CNBD1: variants seen among roughly 807,000 people sequenced by gnomAD.
The protein encoded by CNBD1 is cyclic nucleotide-binding domain-containing protein 1.
In CNBD1, 71 loss-of-function variants were observed where a neutral mutation model predicts 54.4. The ratio of observed to expected loss-of-function variants is 1.30; its 90% confidence interval spans 1.08 to 1.59. CNBD1 has a LOEUF of 1.59. Among genes scored for constraint, CNBD1 ranks in the 40% most tolerant of loss-of-function variants. The pLI is 0.00. For missense variants in CNBD1, 659 were observed against 518.0 expected (o/e 1.27, Z -2.64); for synonymous variants, 182 against 170.7 (o/e 1.07, Z -0.51).
chr8:87,387,547 A>G (rs539046066), downstream of CNBD1, among the ~76,000 whole-genome samples: 3 of 152,296 alleles, frequency 2.0e-5, no homozygotes, highest in African/African-American at 7.2e-5. Context: ...ATTCAACAAG[A>G]AGAGCTAACT....
At position 87,418,674 on chromosome 8, in the gene CNBD1, A is replaced by G. The variant is rs187965753; in HGVS notation, c.214-9872A>G. On this transcript the variant is annotated intron_variant, in intron 2 of 7. Transcript: ENST00000521593. ...ATTATACTTCAACAATAAAACAAAA[A>G]TACCTTATTTAAAAATAGACAAATG... Among the ~76,000 whole-genome samples the G allele has an allele frequency of 2.2e-4, 33 of 152,084 alleles. No homozygotes were observed. In the East Asian group the frequency reaches 6.2e-3, roughly 29 times the overall value.
At chr8:87,186,611 CTTATT>C (rs929955594) in intron 4 of CNBD1, among the ~76,000 whole-genome samples, 5 of 151,992 alleles carry the variant, frequency 3.3e-5, no homozygotes, top group African/African-American at 1.2e-4. Flanking sequence ...CTCTTTATAT[CTTATT>C]TTAATCAATG....
At chr8:87,009,311 A>AT (rs561276075) in intron 4 of CNBD1, among the ~76,000 whole-genome samples, 5 of 151,066 alleles carry the variant, frequency 3.3e-5, no homozygotes, top group African/African-American at 4.9e-5. Flanking sequence ...TTTTATTTTT[A>AT]TTTTTTTGAG....
At chr8:87,201,362 T>C (rs552306995) in intron 4 of CNBD1, among the ~76,000 whole-genome samples, 27 of 152,286 alleles carry the variant, frequency 1.8e-4, no homozygotes, top group Middle Eastern at 3.4e-3. Flanking sequence ...TGTAACATTA[T>C]AGTGAATGTT....
intron 3 of CNBD1, among the ~76,000 whole-genome samples, chr8:86,910,456 C>T (rs932729534): frequency 6.6e-6 from 1 of 152,026 alleles, no homozygotes; most frequent in African/African-American, 2.4e-5. Flanking sequence ...GATTGGCTGC[C>T]CAGTGGCATA....
chr8:87,096,652 A>G (rs570145963), intron 4 of CNBD1, among the ~76,000 whole-genome samples: 2 of 152,262 alleles, frequency 1.3e-5, no homozygotes, highest in East Asian at 3.9e-4. Flanking sequence ...TGAGAAGAGG[A>G]TAAGGAAAGC....
At chr8:87,400,496 C>T (rs1375766982) in intron 2 of CNBD1, among the ~76,000 whole-genome samples, 2 of 151,914 alleles carry the variant, frequency 1.3e-5, no homozygotes, top group Non-Finnish European at 2.9e-5. Context: ...AGAAAAATGT[C>T]AGCATGTGGC....
chr8:87,314,838 A>G (rs973649267), intron 8 of CNBD1, among the ~76,000 whole-genome samples: 2 of 152,088 alleles, frequency 1.3e-5, no homozygotes, highest in Non-Finnish European at 2.9e-5. Context: ...AAGGTGCTGT[A>G]TGAAACAAAC....
At chr8:87,266,204 G>C (rs567430109) in intron 6 of CNBD1, among the ~76,000 whole-genome samples, 1 of 151,480 alleles carries the variant, frequency 6.6e-6, no homozygotes. Flanking sequence ...ATCCAAACAG[G>C]TTCCTTGTGG....
intron 4 of CNBD1, among the ~76,000 whole-genome samples, chr8:86,965,717 C>A (rs1007864319): frequency 6.6e-6 from 1 of 152,094 alleles, no homozygotes; most frequent in African/African-American, 2.4e-5. Context: ...TGCCTGACTT[C>A]TTGTTCTGTA....
At chr8:87,380,018 T>A (rs370480330) in intron 10 of CNBD1, among the ~76,000 whole-genome samples, 11 of 150,780 alleles carry the variant, frequency 7.3e-5, no homozygotes, top group African/African-American at 2.7e-4. Context: ...TGGTGCCACT[T>A]GGGAGGTTTT....
At chr8:87,077,416 T>C (rs1272875261) in intron 4 of CNBD1, among the ~76,000 whole-genome samples, 64 of 149,920 alleles carry the variant, frequency 4.3e-4, no homozygotes, top group Admixed American at 2.1e-3. Flanking sequence ...CTTCTTCTTT[T>C]TTTTTTTTTT....
chr8:87,414,222 G>A (rs1012301191), intron 2 of CNBD1, among the ~76,000 whole-genome samples: 3 of 152,070 alleles, frequency 2.0e-5, no homozygotes, highest in Non-Finnish European at 2.9e-5. Context: ...GTCCTTTGTA[G>A]GGACATGGAT....
intron 4 of CNBD1, among the ~76,000 whole-genome samples, chr8:86,960,691 TG>T (rs1263617392): frequency 6.6e-6 from 1 of 152,172 alleles, no homozygotes; most frequent in Non-Finnish European, 1.5e-5. Context: ...CCTCCTCAAG[TG>T]GGTCCCTGAT....
At chr8:86,925,496 T>A (rs1809343373) in intron 3 of CNBD1, among the ~76,000 whole-genome samples, 1 of 87,692 alleles carries the variant, frequency 1.1e-5, no homozygotes, top group African/African-American at 3.7e-5. Context: ...TGTGTGTGTG[T>A]GTGTGTGTGT....
intron 4 of CNBD1, among the ~76,000 whole-genome samples, chr8:87,073,695 C>G (rs907717155): frequency 1.3e-5 from 2 of 152,094 alleles, no homozygotes; most frequent in Non-Finnish European, 2.9e-5. Context: ...GAAGCTCTGT[C>G]CCAGTGGAGT....
rs1420807086 is a variant in CNBD1 at position 87,166,580 on chromosome 8, G to A, written c.432-39413G>A. Among the ~76,000 whole-genome samples the A allele has an allele frequency of 1.3e-5, 2 of 151,908 alleles. No individual in the cohort carries two copies. The highest frequency in any genetic ancestry group is 4.8e-5 in the African/African-American group (2 of 41,392). On this transcript the variant is annotated intron_variant, in intron 4 of 10. Coordinates refer to ENST00000518476, the MANE Select transcript of CNBD1 (RefSeq NM_173538.3). The surrounding 1 kb of genome is among the most constrained non-coding windows in gnomAD (Gnocchi z 4.3). ...GGCCTGAGGGATCTGGCCCAGCTCA[G>A]TTTCTCAATGTTCATTATTTCCAAA...
At chr8:87,352,721 C>A (rs969809510) in intron 9 of CNBD1, among the ~76,000 whole-genome samples, 1 of 151,958 alleles carries the variant, frequency 6.6e-6, no homozygotes, top group Non-Finnish European at 1.5e-5. Flanking sequence ...CTAGAACAGG[C>A]AAAAATATAT....
At chr8:87,279,227 G>A (rs987450555) in intron 6 of CNBD1, among the ~76,000 whole-genome samples, 2 of 151,244 alleles carry the variant, frequency 1.3e-5, no homozygotes, top group Non-Finnish European at 3.0e-5. Context: ...ACTTTAGTAA[G>A]ACAAGGATGC....
Sources: allele counts gnomAD v4.1 joint callset (sites outside exome capture counted in the v4.1 genomes callset), GRCh38; gene constraint gnomAD v4.1.1; non-coding constraint Gnocchi (gnomAD v3.1); transcripts MANE v1.5; gene names NCBI Gene and HGNC (gene_info 2026-07-23, HGNC 2026-07-21).